The following FNTA variants were observed in gnomAD, a reference collection of about 807,000 sequenced individuals.
FNTA encodes the protein farnesyltransferase, CAAX box, subunit alpha.
Under a neutral mutation model 55.2 loss-of-function variants are expected in FNTA, and 27 were observed. The observed-to-expected ratio is 0.49, with a 90% CI of 0.36 to 0.67. The LOEUF is 0.67. Among genes scored for constraint, FNTA ranks in the 30% least tolerant of loss-of-function variants. The probability of loss-of-function intolerance (pLI) is 0.00; values close to 1 mark genes in which losing one functional copy is unlikely to be tolerated. For synonymous variants in FNTA, 176 were observed against 170.7 expected (o/e 1.03, Z -0.24); for missense variants, 422 against 464.7 (o/e 0.91, Z 0.85).
chr8:43,085,127 C>A, intron 8 of FNTA, 33 bp from the exon 9 acceptor site: 1 of 1,480,214 alleles, frequency 6.8e-7, no homozygotes, highest in Non-Finnish European at 9.2e-7. Flanking sequence ...AATTGAATTA[C>A]ATATTACTTT....
chr8:43,064,722 C>T (rs990571328), intron 3 of FNTA, among the ~76,000 whole-genome samples: 7 of 152,072 alleles, frequency 4.6e-5, no homozygotes, highest in Non-Finnish European at 7.3e-5. Context: ...AGTCCCACTC[C>T]GCAGAGGTGG....
intron 6 of FNTA, chr8:43,082,100 AACAGCACTGCAGCAGAACCAAGACT>A (rs1242763173): frequency 1.7e-4 from 26 of 152,328 alleles, no homozygotes; most frequent in African/African-American, 6.3e-4. Context: ...AAATTATAGT[AACAGCACTGCAGCAGAACCAAGACT>A]ACCAAGCTTT....
chr8:43,083,757 C>T (rs373283776), intron 7 of FNTA, among the ~76,000 whole-genome samples: 1 of 152,084 alleles, frequency 6.6e-6, no homozygotes, highest in South Asian at 2.1e-4. Flanking sequence ...TTGGAGAGCT[C>T]GAGGGATGAG....
Position 43,060,336 on chromosome 8 carries a change from A to G in FNTA, c.286+1159A>G, listed in dbSNP as rs1443397204. On this transcript the variant is annotated intron_variant, in intron 2 of 8. Transcript: ENST00000302279. ...GATGTTGGGGGAAACTAATATAATC[A>G]TATGTTTCCATTGAGGATAAATTAA... Among the ~76,000 whole-genome samples, 3 of 152,196 alleles carry G rather than the reference A, an allele frequency of 2.0e-5. No individual in the cohort carries two copies. In the East Asian group the frequency reaches 5.8e-4, roughly 29 times the overall value.
intron 1 of FNTA, chr8:43,057,375 T>A (rs1475887838): frequency 6.6e-6 from 1 of 152,162 alleles, no homozygotes; most frequent in Non-Finnish European, 1.5e-5. Context: ...CCATATATAT[T>A]TTTTTGATTG....
intron 1 of FNTA, 68 bp from the exon 2 acceptor site, chr8:43,059,024 A>T: frequency 8.7e-7 from 1 of 1,146,476 alleles, no homozygotes; most frequent in Non-Finnish European, 1.3e-6. Flanking sequence ...TTGTCATTTT[A>T]AAAACACTAG....
chr8:43,062,325 A>C (rs1227212445), intron 2 of FNTA, among the ~76,000 whole-genome samples: 3 of 151,996 alleles, frequency 2.0e-5, no homozygotes, highest in African/African-American at 7.3e-5. Context: ...CTTGTTGCAC[A>C]GGCTGGAGTA....
At chr8:43,058,699 C>G (rs1051736390) in intron 1 of FNTA, among the ~76,000 whole-genome samples, 1 of 152,126 alleles carries the variant, frequency 6.6e-6, no homozygotes, top group Admixed American at 6.6e-5. Flanking sequence ...ATTGGTTGAA[C>G]CCAGGAGGCA....
chr8:43,072,954 A>G (rs1810827015), intron 5 of FNTA, among the ~76,000 whole-genome samples: 1 of 152,186 alleles, frequency 6.6e-6, no homozygotes, highest in African/African-American at 2.4e-5. Context: ...AAACTTTGGA[A>G]TAGGATTTTA....
chr8:43,066,587 C>A (rs868562170), intron 3 of FNTA, among the ~76,000 whole-genome samples: 1 of 148,580 alleles, frequency 6.7e-6, no homozygotes, highest in Admixed American at 6.7e-5. Context: ...TAGCATCGTT[C>A]GTGTGTGTGT....
intron 7 of FNTA, among the ~76,000 whole-genome samples, chr8:43,084,072 G>GAAA (rs796564498): frequency 7.5e-6 from 1 of 134,018 alleles, no homozygotes; most frequent in Non-Finnish European, 1.6e-5. Flanking sequence ...CTGTCTCAAA[G>GAAA]AAAAAAAAAA....
chr8:43,067,970 G>C (rs925978496), intron 3 of FNTA, among the ~76,000 whole-genome samples: 1 of 152,176 alleles, frequency 6.6e-6, no homozygotes, highest in Non-Finnish European at 1.5e-5. Flanking sequence ...CACAATCATG[G>C]CTCATTACAA....
At chr8:43,068,859 T>C (rs1810721520) in intron 3 of FNTA, among the ~76,000 whole-genome samples, 1 of 151,914 alleles carries the variant, frequency 6.6e-6, no homozygotes, top group African/African-American at 2.4e-5. Context: ...ATTACAGGCA[T>C]GCACCACCTC....
At chr8:43,062,861 A>G (rs1268258930) in intron 2 of FNTA, among the ~76,000 whole-genome samples, 1 of 152,214 alleles carries the variant, frequency 6.6e-6, no homozygotes, top group Non-Finnish European at 1.5e-5. Flanking sequence ...CAGTGCTGCA[A>G]CATCCATCCC....
intron 6 of FNTA, chr8:43,080,447 T>G: frequency 6.6e-6 from 1 of 152,216 alleles, no homozygotes; most frequent in East Asian, 1.9e-4. Flanking sequence ...TTGAGGTATG[T>G]ACATTGTTTT....
At chr8:43,077,133 C>A in intron 5 of FNTA, 83 bp from the exon 6 acceptor site, 1 of 982,618 alleles carries the variant, frequency 1.0e-6, no homozygotes, top group Non-Finnish European at 1.5e-6. Flanking sequence ...GTTCTACCTT[C>A]TTTGTTGTAG....
chr8:43,083,310 G>A, intron 7 of FNTA, 130 bp downstream of exon 7: 1 of 571,836 alleles, frequency 1.7e-6, no homozygotes, highest in South Asian at 2.6e-5. Flanking sequence ...CCTAAGAGCA[G>A]AAGTATAACA....
intron 4 of FNTA, among the ~76,000 whole-genome samples, 190 bp from the exon 5 acceptor site, chr8:43,071,991 T>G (rs939045217): frequency 6.6e-6 from 1 of 152,240 alleles, no homozygotes; most frequent in Non-Finnish European, 1.5e-5. Flanking sequence ...AGATGTAGTT[T>G]GAGATAAACT....
chr8:43,073,435 C>G (rs1174110400), intron 5 of FNTA: 1 of 152,118 alleles, frequency 6.6e-6, no homozygotes, highest in East Asian at 1.9e-4. Flanking sequence ...GTAGCTTATG[C>G]ATTTCTATTT....
Sources: gnomAD v4.1 joint callset for allele counts (sites outside exome capture counted in the v4.1 genomes callset) on GRCh38, gnomAD v4.1.1 for gene constraint, MANE v1.5 for transcripts, NCBI Gene and HGNC (gene_info 2026-07-23, HGNC 2026-07-21) for gene names.